IL3RA: variants seen among roughly 807,000 people sequenced by gnomAD.
IL3RA encodes interleukin-3 receptor subunit alpha.
A neutral mutation model predicts 52.3 loss-of-function variants in IL3RA; 73 were observed. That is an observed-to-expected ratio of 1.40 (90% confidence interval 1.16 to 1.70). IL3RA has a LOEUF of 1.70. Ranked by LOEUF, IL3RA falls within the 40% of genes most tolerant of loss-of-function variation. IL3RA has a pLI of 0.00. For missense variants in IL3RA, 664 were observed against 504.4 expected (o/e 1.32, Z -3.03); for synonymous variants, 260 against 194.0 (o/e 1.34, Z -2.83).
chrX:1,366,552 GGGTGCGCGGGGTGAGCC>G (rs2088064742), intron 9 of IL3RA, among the ~76,000 whole-genome samples: 1 of 51,284 alleles, frequency 1.9e-5, no homozygotes, highest in African/African-American at 1.3e-4. Flanking sequence ...GGGGTGAGCC[GGGTGCGCGGGGTGAGCC>G]GGGTGAGCGG....
chrX:1,349,749 G>A (rs745696542), intron 4 of IL3RA, among the ~76,000 whole-genome samples: 17 of 152,052 alleles, frequency 1.1e-4, no homozygotes, highest in South Asian at 8.3e-4. Flanking sequence ...CGCAAACTCC[G>A]CCTCCCGGGT....
intron 1 of IL3RA, among the ~76,000 whole-genome samples, chrX:1,337,996 A>ACC (rs1410582697): frequency 1.3e-5 from 2 of 148,934 alleles, no homozygotes; most frequent in Non-Finnish European, 3.0e-5. Context: ...CAGCCCTCGT[A>ACC]CCCATCTATA....
Position 1,352,431 on chromosome X carries a change from C to G in IL3RA, c.541C>G (p.His181Asp), listed in dbSNP as rs1308544103. The G allele has an allele frequency of 2.5e-6, 4 of 1,613,762 alleles. No homozygotes were observed. In the African/African-American group the frequency reaches 5.3e-5, roughly 22 times the overall value. ...SRLSSGSQSS[H>D]ILVRGRSAAF... ...ACTCTCCAGCGGTTCTCAAAGTTCC[C>G]ACATCCTGGTGCGGGGCAGGAGCGC... is the stretch of plus-strand genomic sequence containing the variant. The change falls in exon 6 of 12, where the codon CAC becomes GAC. Residue 181 changes from histidine to aspartate, a missense_variant. Transcript: ENST00000331035.
At position 1,381,063 on chromosome X, in the gene IL3RA, A is replaced by G. The variant is rs761787092; in HGVS notation, c.1021A>G (p.Met341Val). The change falls in exon 11 of 12, where the codon ATG becomes GTG. Residue 341 changes from methionine (M) to valine (V), a missense_variant. By Grantham distance (21) the Met-to-Val change is conservative. Transcript: ENST00000331035. Reference sequence around the variant, plus strand: ...GAGACTCTTTCCCCGCATCCCTCACATGAAAGACCCCATCGGTGACAGCTT... The same window carrying G: ...GAGACTCTTTCCCCGCATCCCTCACGTGAAAGACCCCATCGGTGACAGCTT... ...MQRLFPRIPH[M>V]KDPIGDSFQN... 6.2e-6 allele frequency: 10 copies of G among 1,613,708 alleles called. No homozygotes were observed. Among genetic ancestry groups the G allele is most frequent in the South Asian group, 2.2e-5 (2 of 91,068 alleles).
At chrX:1,348,367 A>G in intron 3 of IL3RA, 64 bp from the exon 4 acceptor site, 1 of 1,298,464 alleles carries the variant, frequency 7.7e-7, no homozygotes. Context: ...AAAAATCTGA[A>G]CATCATTAGC....
At position 1,345,399 on chromosome X, in the gene IL3RA, A is replaced by G; in HGVS notation, c.148A>G (p.Ile50Val). The change falls in exon 3 of 12, where the codon ATC (isoleucine) becomes GTC (valine). Residue 50 changes from isoleucine (I) to valine (V), a missense_variant. Physicochemically the swap from Ile to Val is conservative, Grantham distance 29. Transcript: ENST00000331035. ...GGACCTTAACAGAAATGTGACCGAT[A>G]TCGAGTGTGTTAAAGACGCCGACTA... ...TWDLNRNVTD[I>V]ECVKDADYSM... 1 of 1,609,728 alleles carries G rather than the reference A, an allele frequency of 6.2e-7. No homozygotes were observed. Among genetic ancestry groups the G allele is most frequent in the East Asian group, 2.2e-5 (1 of 44,806 alleles).
At chrX:1,354,419 AGAG>A (rs199562620) in intron 6 of IL3RA, among the ~76,000 whole-genome samples, 2,634 of 151,034 alleles carry the variant, frequency 0.017, 86 homozygotes, top group African/African-American at 0.061. Context: ...ATGCTTCAGA[AGAG>A]GAGGGGGAAA....
Position 1,355,535 on chromosome X carries a change from C to T in IL3RA, c.617-686C>T, listed in dbSNP as rs746788282. Among the ~76,000 whole-genome samples, 447 of 149,000 alleles carry T rather than the reference C, an allele frequency of 3.0e-3. 1 individual carries two copies. The highest frequency in any genetic ancestry group is 4.7e-3 in the Non-Finnish European group (316 of 66,832). On this transcript the variant is annotated intron_variant, in intron 6 of 11. Coordinates refer to ENST00000331035, the MANE Select transcript of IL3RA (RefSeq NM_002183.4). ...GCCCAGGGGAGACCCAGCCAGGCAG[C>T]CGGACACACAGGGCTGGGCTGGTAG...
chrX:1,339,714 C>T (rs1217649630), intron 1 of IL3RA, among the ~76,000 whole-genome samples: 3 of 152,026 alleles, frequency 2.0e-5, no homozygotes, highest in Non-Finnish European at 2.9e-5. Context: ...ATCGCTTGAA[C>T]GTGGGAGGTG....
intron 1 of IL3RA, among the ~76,000 whole-genome samples, chrX:1,340,036 T>C (rs541511799): frequency 3.9e-5 from 6 of 152,138 alleles, no homozygotes; most frequent in South Asian, 2.1e-4. Context: ...CCGCAGAGGA[T>C]GTGTTTTCCT....
At chrX:1,380,729 T>C (rs1292260620) in intron 10 of IL3RA, among the ~76,000 whole-genome samples, 1 of 150,260 alleles carries the variant, frequency 6.7e-6, no homozygotes, top group African/African-American at 2.5e-5. Flanking sequence ...TCCTGCAAGC[T>C]GTCTCAGGTC....
intron 8 of IL3RA, among the ~76,000 whole-genome samples, chrX:1,361,286 CCT>C (rs2087330899): frequency 6.6e-6 from 1 of 151,632 alleles, no homozygotes; most frequent in African/African-American, 2.4e-5. Context: ...TGTCTGTCCC[CCT>C]GTATTAGTCC....
At chrX:1,364,337 C>G (rs2087739976) in intron 8 of IL3RA, among the ~76,000 whole-genome samples, 1 of 148,914 alleles carries the variant, frequency 6.7e-6, no homozygotes, top group African/African-American at 2.5e-5. Context: ...ACTAAAAATA[C>G]AAAATTAACC....
At chrX:1,363,124 CCT>C (rs2087597494) in intron 8 of IL3RA, among the ~76,000 whole-genome samples, 2 of 151,602 alleles carry the variant, frequency 1.3e-5, no homozygotes, top group African/African-American at 2.4e-5. Flanking sequence ...TAGGGCCCCC[CCT>C]GATCCAAAAT....
chrX:1,379,099 T>C (rs2088998364), intron 10 of IL3RA, among the ~76,000 whole-genome samples: 2 of 152,240 alleles, frequency 1.3e-5, no homozygotes, highest in African/African-American at 4.8e-5. Context: ...TGCCTCAGCC[T>C]CCTAAAGTGC....
intron 8 of IL3RA, among the ~76,000 whole-genome samples, chrX:1,361,474 G>A (rs1273344296): frequency 1.3e-4 from 20 of 152,100 alleles, no homozygotes; most frequent in African/African-American, 3.9e-4. Flanking sequence ...GACAGTCGCC[G>A]GGCGCAGTGA....
intron 1 of IL3RA, among the ~76,000 whole-genome samples, chrX:1,341,221 A>G (rs2085475841): frequency 6.6e-6 from 1 of 152,082 alleles, no homozygotes; most frequent in Admixed American, 6.6e-5. Context: ...AGTCGCTTGA[A>G]CCTGGGAGGC....
intron 10 of IL3RA, among the ~76,000 whole-genome samples, chrX:1,380,523 G>A (rs1233584620): frequency 1.9e-4 from 3 of 15,672 alleles, no homozygotes. Flanking sequence ...AAGGGAAGAG[G>A]GGGAGGAGGG....
rs779580768 is a variant in IL3RA, at chrX:1,352,416, G to C, written c.526G>C (p.Gly176Arg). The C allele has an allele frequency of 6.2e-7, 1 of 1,613,828 alleles. No homozygotes were observed. The highest frequency in any genetic ancestry group is 2.2e-5 in the East Asian group (1 of 44,884). Residue 176 changes from glycine to arginine, a missense_variant, in exon 6 of 12, where the codon GGT becomes CGT. Coordinates refer to ENST00000331035, the MANE Select transcript of IL3RA (RefSeq NM_002183.4). ...CGATGACATCTCTCGACTCTCCAGC[G>C]GTTCTCAAAGTTCCCACATCCTGGT... ...RFDDISRLSS[G>R]SQSSHILVRG...
Sources: allele counts gnomAD v4.1 joint callset (sites outside exome capture counted in the v4.1 genomes callset), GRCh38; gene constraint gnomAD v4.1.1; transcripts MANE v1.5; gene names NCBI Gene and HGNC (gene_info 2026-07-23, HGNC 2026-07-21).